The following SPAG16 variants were observed in gnomAD, a reference collection of about 807,000 sequenced individuals.
The protein encoded by SPAG16 is sperm-associated antigen 16 protein.
SPAG16 carries 86 observed loss-of-function variants against 80.4 expected under a neutral mutation model. The ratio of observed to expected loss-of-function variants is 1.07; its 90% CI spans 0.90 to 1.28. The LOEUF (loss-of-function observed/expected upper bound fraction) is 1.28, where lower values mean the gene tolerates loss of function less well. SPAG16 is among the 50% of genes most tolerant of loss of function. SPAG16 has a pLI of 0.00. For synonymous variants in SPAG16, 294 were observed against 265.9 expected (o/e 1.11, Z -1.03); for missense variants, 870 against 765.3 (o/e 1.14, Z -1.61).
intron 15 of SPAG16, among the ~76,000 whole-genome samples, chr2:214,375,880 A>G (rs939447723): frequency 3.3e-5 from 5 of 152,100 alleles, no homozygotes; most frequent in Non-Finnish European, 7.4e-5. Context: ...CTATGTTTGT[A>G]TTGATTTCAC....
At chr2:214,181,565 T>C (rs1472093897) in intron 15 of SPAG16, among the ~76,000 whole-genome samples, 1 of 151,770 alleles carries the variant, frequency 6.6e-6, no homozygotes, top group Non-Finnish European at 1.5e-5. Context: ...CACTCACAGA[T>C]ATTCTCTATC....
intron 9 of SPAG16, among the ~76,000 whole-genome samples, chr2:213,376,074 T>C (rs1193490669): frequency 1.3e-5 from 2 of 151,572 alleles, no homozygotes; most frequent in African/African-American, 4.8e-5. Context: ...TTTTTTGTTA[T>C]AATAAGCTTT....
At chr2:213,948,847 A>G (rs191821288) in intron 12 of SPAG16, among the ~76,000 whole-genome samples, 1 of 152,306 alleles carries the variant, frequency 6.6e-6, no homozygotes, top group Admixed American at 6.5e-5. Flanking sequence ...TTTTTGCCAA[A>G]GATTGCAAAC....
chr2:213,978,491 T>C (rs1295950527), intron 12 of SPAG16, among the ~76,000 whole-genome samples: 1 of 152,164 alleles, frequency 6.6e-6, no homozygotes, highest in African/African-American at 2.4e-5. Flanking sequence ...ACCTACTTCC[T>C]ATTGCCTGGT....
At chr2:213,597,154 C>CT (rs1357941931) in intron 10 of SPAG16, among the ~76,000 whole-genome samples, 1 of 152,164 alleles carries the variant, frequency 6.6e-6, no homozygotes, top group Non-Finnish European at 1.5e-5. Flanking sequence ...AGAGGTGACT[C>CT]ACTGAAGAAG....
At chr2:213,468,373 C>A (rs1410632900) in intron 9 of SPAG16, among the ~76,000 whole-genome samples, 1 of 144,436 alleles carries the variant, frequency 6.9e-6, no homozygotes, top group Non-Finnish European at 1.5e-5. Flanking sequence ...ATATATCTCT[C>A]TCTATATATA....
chr2:214,165,194 G>GA (rs11388081), intron 15 of SPAG16, among the ~76,000 whole-genome samples: 28,417 of 151,746 alleles, frequency 0.19, 3,120 homozygotes, highest in South Asian at 0.28. Flanking sequence ...AAGTTTGCAT[G>GA]AAAAAAAAGT....
chr2:213,848,221 G>C (rs562834177), intron 10 of SPAG16, among the ~76,000 whole-genome samples: 1 of 152,250 alleles, frequency 6.6e-6, no homozygotes, highest in Admixed American at 6.5e-5. Context: ...CTCCCTCTGT[G>C]CTCTTTTCCT....
intron 10 of SPAG16, among the ~76,000 whole-genome samples, chr2:213,823,424 G>T (rs1382237158): frequency 1.3e-5 from 2 of 152,140 alleles, no homozygotes; most frequent in East Asian, 3.9e-4. Context: ...GCAGTGGCGT[G>T]ATCTCGGCTC....
intron 10 of SPAG16, among the ~76,000 whole-genome samples, chr2:213,727,113 G>A (rs1228715306): frequency 1.3e-5 from 2 of 152,092 alleles, no homozygotes; most frequent in African/African-American, 4.8e-5. Flanking sequence ...GAAATTTAAA[G>A]TACATGTGTT....
intron 10 of SPAG16, among the ~76,000 whole-genome samples, chr2:213,695,249 A>G (rs2065110152): frequency 6.6e-6 from 1 of 152,160 alleles, no homozygotes. Context: ...TACTTAACAC[A>G]TGACCATCAG....
At chr2:213,758,479 GAA>G (rs1179505900) in intron 10 of SPAG16, among the ~76,000 whole-genome samples, 1 of 151,700 alleles carries the variant, frequency 6.6e-6, no homozygotes, top group Non-Finnish European at 1.5e-5. Context: ...TGAACAAAAT[GAA>G]AAAAATTCAA....
At chr2:214,172,022 T>C (rs2056886407) in intron 15 of SPAG16, among the ~76,000 whole-genome samples, 1 of 151,918 alleles carries the variant, frequency 6.6e-6, no homozygotes, top group African/African-American at 2.4e-5. Context: ...TTAACAAAAA[T>C]ATCTAACATA....
chr2:213,543,557 T>A (rs1208162205), intron 10 of SPAG16, among the ~76,000 whole-genome samples: 4 of 152,016 alleles, frequency 2.6e-5, no homozygotes, highest in African/African-American at 4.8e-5. Context: ...TATTCAGATA[T>A]ACATATTTAA....
At chr2:214,136,311 G>A (rs576555041) in intron 14 of SPAG16, among the ~76,000 whole-genome samples, 4 of 152,196 alleles carry the variant, frequency 2.6e-5, no homozygotes, top group South Asian at 2.1e-4. Flanking sequence ...TTTCAATTCC[G>A]AGCCTGTGTT....
intron 14 of SPAG16, among the ~76,000 whole-genome samples, chr2:214,124,130 C>G (rs1279928278): frequency 6.6e-6 from 1 of 151,904 alleles, no homozygotes; most frequent in Non-Finnish European, 1.5e-5. Flanking sequence ...GACATAGGAC[C>G]ATGTTTGCTG....
chr2:213,922,772 T>TGATATCCAGCCCAACCAAGCTTCAA (rs1348312498), intron 11 of SPAG16, among the ~76,000 whole-genome samples: 2 of 152,176 alleles, frequency 1.3e-5, no homozygotes, highest in African/African-American at 2.4e-5. Context: ...TGACTGGCTT[T>TGATATCCAGCCCAACCAAGCTTCAA]GATTCTAGTA....
At chr2:213,293,678 C>T (rs1181952209) in intron 1 of SPAG16, among the ~76,000 whole-genome samples, 1 of 152,176 alleles carries the variant, frequency 6.6e-6, no homozygotes, top group Non-Finnish European at 1.5e-5. Flanking sequence ...GTTATTTTGA[C>T]TATGACATGA....
At chr2:213,454,761 G>C (rs763397966) in intron 9 of SPAG16, among the ~76,000 whole-genome samples, 1 of 152,118 alleles carries the variant, frequency 6.6e-6, no homozygotes, top group African/African-American at 2.4e-5. Context: ...CTAACTAAGG[G>C]CTGAGCTCTT....
Sources: gnomAD v4.1 joint callset for allele counts (sites outside exome capture counted in the v4.1 genomes callset) on GRCh38, gnomAD v4.1.1 for gene constraint, MANE v1.5 for transcripts, NCBI Gene and HGNC (gene_info 2026-07-23, HGNC 2026-07-21) for gene names.